The following SLC25A24 variants were observed in gnomAD, a reference collection of about 807,000 sequenced individuals.
SLC25A24 encodes the protein solute carrier family 25 member 24, also known as mitochondrial adenyl nucleotide antiporter SLC25A24.
A neutral mutation model predicts 60.7 loss-of-function variants in SLC25A24; 49 were observed. That is an observed-to-expected ratio of 0.81 (90% CI 0.64 to 1.02). The LOEUF (loss-of-function observed/expected upper bound fraction) is 1.02, where lower values mean the gene tolerates loss of function less well. Among genes scored for constraint, SLC25A24 ranks in the 50% least tolerant of loss-of-function variants. The probability of loss-of-function intolerance (pLI) is 0.00; values close to 1 mark genes in which losing one functional copy is unlikely to be tolerated. For missense variants in SLC25A24, 564 were observed against 586.3 expected (o/e 0.96, Z 0.39); for synonymous variants, 202 against 200.6 (o/e 1.01, Z -0.06).
intron 8 of SLC25A24, among the ~76,000 whole-genome samples, chr1:108,141,580 C>A (rs1293818901): frequency 6.6e-6 from 1 of 152,148 alleles, no homozygotes; most frequent in African/African-American, 2.4e-5. Flanking sequence ...TTCACTGCAG[C>A]ACTATTCACA....
rs1679240419 is a variant in SLC25A24 at position 108,134,892 on chromosome 1, T to A, written c.*1761A>T. 2 of 152,182 alleles carry A rather than the reference T, an allele frequency of 1.3e-5. No individual in the cohort carries two copies. The highest frequency in any genetic ancestry group is 4.8e-5 in the African/African-American group (2 of 41,444). The allele number at this position is 152,182 out of a possible 1,614,324, so 9.4% of individuals were successfully genotyped here. A position where few individuals can be genotyped will look rare whatever the true frequency, so the allele number is the denominator to read the frequency against. ...ATTCAGTACTACCAGAAATATACTATCTTCAACTCTCGGCTTTTTTCCAAA... is the reference window on the plus strand; with the variant it reads ...ATTCAGTACTACCAGAAATATACTAACTTCAACTCTCGGCTTTTTTCCAAA... On this transcript the variant is annotated 3_prime_UTR_variant, in exon 10 of 10. Coordinates refer to ENST00000565488, the MANE Select transcript of SLC25A24 (RefSeq NM_013386.5).
In SLC25A24 at chr1:108,200,187, G is replaced by C; in HGVS notation, c.-49C>G. The C allele has an allele frequency of 6.7e-7, 1 of 1,490,756 alleles. No homozygotes were observed. The highest frequency in any genetic ancestry group is 8.9e-7 in the Non-Finnish European group (1 of 1,122,070). 92.3% of individuals were successfully genotyped at this position (1,490,756 alleles called of 1,614,324 possible). A position where few individuals can be genotyped will look rare whatever the true frequency, so the allele number is the denominator to read the frequency against. On this transcript the variant is annotated 5_prime_UTR_variant, in exon 1 of 10. Coordinates refer to ENST00000565488, the MANE Select transcript of SLC25A24 (RefSeq NM_013386.5). ...GGCCGAGGAAGTCACGGGAGATCGA[G>C]GGCTGCGGGGCGAGACCGGGACCAG...
intron 3 of SLC25A24, among the ~76,000 whole-genome samples, chr1:108,178,804 C>T (rs1647807177): frequency 6.6e-6 from 1 of 151,520 alleles, no homozygotes; most frequent in East Asian, 1.9e-4. Context: ...CAGAGTGAGA[C>T]TCCGTCTCAA....
chr1:108,159,219 T>C (rs1260199310), intron 4 of SLC25A24, among the ~76,000 whole-genome samples: 1 of 152,166 alleles, frequency 6.6e-6, no homozygotes, highest in Middle Eastern at 3.2e-3. Context: ...TAACCTTTAA[T>C]GAATATTGTT....
rs1647944297 is a variant in SLC25A24 at position 108,181,951 on chromosome 1, T to A, written c.388A>T (p.Ile130Phe). The A allele has an allele frequency of 5.6e-6, 9 of 1,608,848 alleles. No individual in the cohort carries two copies. The East Asian group carries it at 2.0e-4, about 36-fold the overall frequency. Residue 130 changes from isoleucine to phenylalanine, a missense_variant, in exon 3 of 10, where the codon ATT (isoleucine) becomes TTT (phenylalanine). Physicochemically the swap from Ile to Phe is conservative, Grantham distance 21. Coordinates refer to ENST00000565488, the MANE Select transcript of SLC25A24 (RefSeq NM_013386.5). Reference sequence around the variant, plus strand: ...ACATGAAGAGCTTACCTTTGAAGAATCAACTCTGCTTGTTGTTCAGAAATA... The same window carrying A: ...ACATGAAGAGCTTACCTTTGAAGAAACAACTCTGCTTGTTGTTCAGAAATA... ...LTISEQQAEL[I>F]LQSIDVDGTM...
At chr1:108,192,537 G>C (rs780405361) in intron 1 of SLC25A24, 1 of 1,498,942 alleles carries the variant, frequency 6.7e-7, no homozygotes, top group African/African-American at 1.4e-5. Flanking sequence ...ACATCCTCCA[G>C]GCCTTCCTGA....
At chr1:108,176,103 A>C (rs1647664803) in intron 3 of SLC25A24, among the ~76,000 whole-genome samples, 1 of 152,210 alleles carries the variant, frequency 6.6e-6, no homozygotes, top group African/African-American at 2.4e-5. Flanking sequence ...AACTTCAAGA[A>C]AATACAAAGA....
intron 4 of SLC25A24, among the ~76,000 whole-genome samples, chr1:108,160,821 GCGCCTGCAATCGC>G (rs1680052285): frequency 2.0e-5 from 3 of 152,190 alleles, no homozygotes; most frequent in African/African-American, 7.2e-5. Flanking sequence ...GTGGCGGTGC[GCGCCTGCAATCGC>G]AGGCACTCGG....
intron 4 of SLC25A24, among the ~76,000 whole-genome samples, chr1:108,160,843 G>T (rs2050835): frequency 1.3e-5 from 2 of 151,956 alleles, no homozygotes; most frequent in Non-Finnish European, 2.9e-5. Flanking sequence ...GCAGGCACTC[G>T]GCAGGCTGAG....
chr1:108,143,463 A>G (rs1000759151), intron 8 of SLC25A24, 80 bp downstream of exon 8: 10 of 1,190,750 alleles, frequency 8.4e-6, no homozygotes, highest in African/African-American at 1.5e-5. Flanking sequence ...TTTCTGGTAT[A>G]TATCTACTTC....
At chr1:108,192,635 C>G in intron 1 of SLC25A24, 1 of 1,492,884 alleles carries the variant, frequency 6.7e-7, no homozygotes, top group South Asian at 1.3e-5. Flanking sequence ...GGATGTCTCC[C>G]TCGCAGCTCC....
Position 108,136,623 on chromosome 1 carries a change from A to C in SLC25A24, c.*30T>G. ...CACTCCAGAGATTGTTGAAAGTTTC[A>C]ATTATCAGGCTAAAGCAAAAAATGC... On this transcript the variant is annotated 3_prime_UTR_variant, in exon 10 of 10. Transcript: ENST00000565488. The C allele has an allele frequency of 6.3e-7, 1 of 1,584,496 alleles. No homozygotes were observed. Among genetic ancestry groups the C allele is most frequent in the Non-Finnish European group, 8.6e-7 (1 of 1,157,352 alleles).
Position 108,139,070 on chromosome 1 carries a change from T to C in SLC25A24, c.1237A>G (p.Met413Val), listed in dbSNP as rs745540857. Residue 413 changes from methionine (M) to valine (V), a missense_variant, in exon 9 of 10, where the codon ATG becomes GTG. Physicochemically the swap from Met to Val is conservative, Grantham distance 21 (BLOSUM62 1). Transcript: ENST00000565488. ...SYPLALVRTR[M>V]QAQAMLEGSP... Reference sequence around the variant, plus strand: ...ATCAAAAATTCACCTTGAGCCTGCATGCGAGTTCTCACCAAAGCCAATGGG... The same window carrying C: ...ATCAAAAATTCACCTTGAGCCTGCACGCGAGTTCTCACCAAAGCCAATGGG... 1.9e-6 allele frequency: 3 copies of C among 1,598,310 alleles called. No individual in the cohort carries two copies. Among genetic ancestry groups the C allele is most frequent in the Admixed American group, 3.5e-5 (2 of 56,830 alleles).
intron 6 of SLC25A24, among the ~76,000 whole-genome samples, chr1:108,154,463 T>G (rs2101610861): frequency 6.6e-6 from 1 of 152,310 alleles, no homozygotes; most frequent in African/African-American, 2.4e-5. Flanking sequence ...ATGCATTTGT[T>G]CATTCATTGA....
At chr1:108,158,548 C>T (rs1487544996) in intron 4 of SLC25A24, among the ~76,000 whole-genome samples, 1 of 152,088 alleles carries the variant, frequency 6.6e-6, no homozygotes, top group Non-Finnish European at 1.5e-5. Flanking sequence ...ATAATATTAT[C>T]TTATACTCAT....
In SLC25A24 at chr1:108,193,697, T is replaced by C. The variant is rs949176214; in HGVS notation, c.183+6259A>G. Among the ~76,000 whole-genome samples, 6 of 140,098 alleles carry C rather than the reference T, an allele frequency of 4.3e-5. 1 individual carries two copies. Among genetic ancestry groups the C allele is most frequent in the African/African-American group, 1.5e-4 (6 of 40,248 alleles). The allele number at this position is 140,098 out of a possible 152,430, so 91.9% of individuals were successfully genotyped here. ...AAATCTGCCCACATGGGCCCTTTCT[T>C]CTGTGACACCTCCCCTCACAGTTTT... On this transcript the variant is annotated intron_variant, in intron 1 of 9. Transcript: ENST00000565488.
chr1:108,182,204 G>C (rs983178935), intron 2 of SLC25A24, among the ~76,000 whole-genome samples, 176 bp from the exon 3 acceptor site: 4 of 152,120 alleles, frequency 2.6e-5, no homozygotes, highest in African/African-American at 9.7e-5. Context: ...TACTAAAAAT[G>C]TAACAAATAC....
chr1:108,152,771 A>G (rs1171131355), intron 6 of SLC25A24, among the ~76,000 whole-genome samples: 4 of 152,228 alleles, frequency 2.6e-5, no homozygotes, highest in Non-Finnish European at 4.4e-5. Context: ...GAATACAAGT[A>G]GCTACTGCCT....
chr1:108,148,747 T>A (rs1679676872), intron 6 of SLC25A24, among the ~76,000 whole-genome samples: 1 of 152,206 alleles, frequency 6.6e-6, no homozygotes, highest in South Asian at 2.1e-4. Context: ...GAAATAAATT[T>A]CCGTTGTTGA....
Sources: gnomAD v4.1 joint callset for allele counts (sites outside exome capture counted in the v4.1 genomes callset) on GRCh38, gnomAD v4.1.1 for gene constraint, MANE v1.5 for transcripts, NCBI Gene and HGNC (gene_info 2026-07-23, HGNC 2026-07-21) for gene names.